Variants in FRAS1 observed in about 807,000 individuals in gnomAD.
FRAS1 encodes the protein Fraser extracellular matrix complex subunit 1, also known as extracellular matrix organizing protein FRAS1.
FRAS1 carries 290 observed loss-of-function variants against 435.2 expected under a neutral mutation model. The observed-to-expected ratio is 0.67, with a 90% CI of 0.61 to 0.73. The LOEUF (loss-of-function observed/expected upper bound fraction) is 0.73, where lower values mean the gene tolerates loss of function less well. Ranked by LOEUF, FRAS1 falls within the 30% of genes least tolerant of loss-of-function variation. FRAS1 has a pLI of 0.00. For synonymous variants in FRAS1, 1,800 were observed against 1,851.0 expected, an observed-to-expected ratio of 0.97 and a Z score of 0.71; for missense variants, 4,860 against 5,001.5, an observed-to-expected ratio of 0.97 and a Z score of 0.85.
At chr4:78,237,103 C>T (rs887371197) in intron 2 of FRAS1, among the ~76,000 whole-genome samples, 7 of 151,824 alleles carry the variant, frequency 4.6e-5, no homozygotes, top group Admixed American at 6.6e-5. Context: ...TATCTAGTGG[C>T]GAATACTGCT....
At chr4:78,300,466 T>A (rs991555516) in intron 14 of FRAS1, among the ~76,000 whole-genome samples, 4 of 152,110 alleles carry the variant, frequency 2.6e-5, no homozygotes, top group Admixed American at 2.6e-4. Flanking sequence ...GGGAACCAGA[T>A]GATAAATAAG....
chr4:78,337,683 C>A lies in FRAS1; in HGVS notation c.2288C>A (p.Pro763Gln). Residue 763 changes from proline (P) to glutamine (Q), a missense_variant, in exon 20 of 74, where the codon CCA becomes CAA. Physicochemically the swap from Pro to Gln is moderately conservative, Grantham distance 76 (BLOSUM62 -1). Coordinates refer to ENST00000512123, the MANE Select transcript of FRAS1 (RefSeq NM_025074.7). The part of the protein sequence containing the change: ...HQEGSCTECH[P>Q]TCRQCHGPLE... The stretch of plus-strand genomic sequence containing the variant: ...TTCGTCCCCCTGCCAGAGTGTCACC[C>A]AACCTGCAGGCAGTGTCATGGGCCG... 6.2e-7 allele frequency: 1 copy of A among 1,612,606 alleles called. No individual in the cohort carries two copies. Among genetic ancestry groups the A allele is most frequent in the Non-Finnish European group, 8.5e-7 (1 of 1,178,766 alleles).
In FRAS1 at chr4:78,432,710, T is replaced by C. The variant is rs940267593; in HGVS notation, c.5217+106T>C. On this transcript the variant is annotated intron_variant, in intron 38 of 73. Coordinates refer to ENST00000512123, the MANE Select transcript of FRAS1 (RefSeq NM_025074.7). Reference sequence around the variant, plus strand: ...AATATTTGGGGCAGCAGGTATATGGTCACGTAAAGAACATTTTTCTCAGCT... The same window carrying C: ...AATATTTGGGGCAGCAGGTATATGGCCACGTAAAGAACATTTTTCTCAGCT... The C allele has an allele frequency of 3.1e-6, 4 of 1,306,118 alleles. No homozygotes were observed. In the African/African-American group the frequency reaches 5.9e-5, roughly 19 times the overall value. 80.9% of individuals were successfully genotyped at this position (1,306,118 alleles called of 1,614,324 possible). A position where few individuals can be genotyped will look rare whatever the true frequency, so the allele number is the denominator to read the frequency against.
chr4:78,377,219 T>C (rs1731803782), intron 26 of FRAS1, among the ~76,000 whole-genome samples: 1 of 152,192 alleles, frequency 6.6e-6, no homozygotes, highest in African/African-American at 2.4e-5. Flanking sequence ...TTTTTAACAC[T>C]CATATTCAAT....
intron 66 of FRAS1, 109 bp downstream of exon 66, chr4:78,516,122 C>A: frequency 2.6e-6 from 2 of 773,906 alleles, no homozygotes; most frequent in Non-Finnish European, 4.1e-6. Context: ...CTGGGACAAC[C>A]AACTAAGGGA....
chr4:78,184,400 A>T (rs561338731), intron 2 of FRAS1, among the ~76,000 whole-genome samples: 1 of 152,284 alleles, frequency 6.6e-6, no homozygotes, highest in Admixed American at 6.5e-5. Context: ...TAAAATTCTC[A>T]TGTGATACAA....
chr4:78,535,036 G>T (rs12641956), intron 71 of FRAS1, among the ~76,000 whole-genome samples: 1 of 151,814 alleles, frequency 6.6e-6, no homozygotes. Context: ...TTCTCTATCC[G>T]TTTACCACAG....
At chr4:78,157,922 T>TG (rs1185063757) in intron 2 of FRAS1, among the ~76,000 whole-genome samples, 1 of 152,204 alleles carries the variant, frequency 6.6e-6, no homozygotes, top group Non-Finnish European at 1.5e-5. Flanking sequence ...CATTACTGAA[T>TG]GGGAAATCCT....
chr4:78,249,261 G>A (rs771288382), intron 4 of FRAS1, among the ~76,000 whole-genome samples: 6 of 147,008 alleles, frequency 4.1e-5, no homozygotes, highest in Non-Finnish European at 6.0e-5. Context: ...TTTTCATCAT[G>A]CTGCACACTT....
chr4:78,320,135 G>A (rs1356367788), intron 18 of FRAS1, among the ~76,000 whole-genome samples: 1 of 152,226 alleles, frequency 6.6e-6, no homozygotes, highest in Non-Finnish European at 1.5e-5. Flanking sequence ...CCAGACTCCA[G>A]AGGATTTTCA....
chr4:78,253,478 G>C (rs1725642323), intron 5 of FRAS1, among the ~76,000 whole-genome samples: 1 of 152,200 alleles, frequency 6.6e-6, no homozygotes, highest in Admixed American at 6.5e-5. Flanking sequence ...AGTATTATTA[G>C]AGAGGTGATA....
intron 69 of FRAS1, among the ~76,000 whole-genome samples, chr4:78,523,594 T>C (rs1313065225): frequency 6.6e-6 from 1 of 152,216 alleles, no homozygotes; most frequent in Non-Finnish European, 1.5e-5. Context: ...GAGCTATATT[T>C]AGCATTAAAA....
rs1329505732 is a variant in FRAS1 at position 78,108,538 on chromosome 4, TC to T, written c.108+42523del. ...GAAATGAAGGCAGAAATAAAGATGTTCTTTGAAACCAACGAGAACAAAGACA... is the reference window on the plus strand; with the variant it reads ...GAAATGAAGGCAGAAATAAAGATGTTTTTGAAACCAACGAGAACAAAGACA... On this transcript the variant is annotated intron_variant, in intron 2 of 73. Coordinates refer to ENST00000512123, the MANE Select transcript of FRAS1 (RefSeq NM_025074.7). 5.0e-5 allele frequency among the ~76,000 whole-genome samples: 5 copies of T among 100,846 alleles called. 1 individual carries two copies. Among genetic ancestry groups the T allele is most frequent in the African/African-American group, 8.7e-5 (2 of 22,868 alleles). The allele number at this position is 100,846 out of a possible 152,430, so 66.2% of individuals were successfully genotyped here.
intron 30 of FRAS1, among the ~76,000 whole-genome samples, chr4:78,406,194 C>T (rs1215787536): frequency 6.6e-6 from 1 of 152,204 alleles, no homozygotes; most frequent in South Asian, 2.1e-4. Context: ...AATCCCAGCT[C>T]ATCAACTTAA....
At chr4:78,091,990 A>AG (rs1741551135) in intron 2 of FRAS1, among the ~76,000 whole-genome samples, 1 of 151,098 alleles carries the variant, frequency 6.6e-6, no homozygotes, top group African/African-American at 2.4e-5. Context: ...AAAAAAAAAA[A>AG]AAAAAAAAAG....
At position 78,369,847 on chromosome 4, in the gene FRAS1, C is replaced by T. The variant is rs1289681739; in HGVS notation, c.2732C>T (p.Thr911Ile). 1 of 1,612,588 alleles carries T rather than the reference C, an allele frequency of 6.2e-7. No homozygotes were observed. Among genetic ancestry groups the T allele is most frequent in the Admixed American group, 1.7e-5 (1 of 59,746 alleles). The change falls in exon 23 of 74, where the codon ACA (threonine) becomes ATA (isoleucine). Residue 911 changes from threonine (T) to isoleucine (I), a missense_variant. Physicochemically the swap from Thr to Ile is moderately conservative, Grantham distance 89. Coordinates refer to ENST00000512123, the MANE Select transcript of FRAS1 (RefSeq NM_025074.7). ...TTTCCTGTCTGCTCAGCATGCAACA[C>T]ACACTGTGGAAGCTGTGATTCACAG... ...DDNHVCQPCN[T>I]HCGSCDSQAS...
At position 78,284,466 on chromosome 4, in the gene FRAS1, A is replaced by G; in HGVS notation, c.1317A>G (p.Gln439=). 1 of 1,613,902 alleles carries G rather than the reference A, an allele frequency of 6.2e-7. No homozygotes were observed. The highest frequency in any genetic ancestry group is 2.2e-5 in the East Asian group (1 of 44,862). ...CTCCAGACCACTGTGACCTCTGCCA[A>G]GATCCTACCAAGTTACTGCAGAATG... ...SQSPDHCDLC[Q]DPTKLLQNGW... is the part of the protein sequence containing the mutation. The change falls in exon 13 of 74, where the codon CAA becomes CAG. Residue 439 remains glutamine (Q), a synonymous_variant. Transcript: ENST00000512123.
chr4:78,187,411 T>C (rs1400546159), intron 2 of FRAS1, among the ~76,000 whole-genome samples: 5 of 152,084 alleles, frequency 3.3e-5, no homozygotes, highest in African/African-American at 1.2e-4. Context: ...TTGCCCTTTG[T>C]AGAAGTTATT....
chr4:78,522,274 C>G (rs570218535), intron 68 of FRAS1, among the ~76,000 whole-genome samples: 14 of 152,266 alleles, frequency 9.2e-5, no homozygotes, highest in Admixed American at 8.5e-4. Context: ...CATTTATAAA[C>G]TACTGAGACC....
Sources: allele counts gnomAD v4.1 joint callset (sites outside exome capture counted in the v4.1 genomes callset), GRCh38; gene constraint gnomAD v4.1.1; transcripts MANE v1.5; gene names NCBI Gene and HGNC (gene_info 2026-07-23, HGNC 2026-07-21).